The following APOL4 variants were observed in gnomAD, a reference collection of about 807,000 sequenced individuals.
The protein encoded by APOL4 is apolipoprotein L, 4.
A neutral mutation model predicts 12.1 loss-of-function variants in APOL4; 14 were observed. That is an observed-to-expected ratio of 1.16 (90% CI 0.76 to 1.81). The LOEUF (loss-of-function observed/expected upper bound fraction) is 1.81, where lower values mean the gene tolerates loss of function less well. Among genes scored for constraint, APOL4 ranks in the 40% most tolerant of loss-of-function variants. APOL4 has a pLI of 0.00. For missense variants in APOL4, 432 were observed against 423.1 expected, an observed-to-expected ratio of 1.02 and a Z score of -0.18; for synonymous variants, 171 against 160.6, an observed-to-expected ratio of 1.06 and a Z score of -0.49.
chr22:36,199,281 A>G (rs760719419), intron 2 of APOL4, 49 bp downstream of exon 2: 5 of 1,610,618 alleles, frequency 3.1e-6, no homozygotes, highest in Non-Finnish European at 4.2e-6. Context: ...GGAACCAGCC[A>G]GGGAAGAGGA....
At chr22:36,197,624 T>C in intron 2 of APOL4, 7 of 1,539,026 alleles carry the variant, frequency 4.5e-6, no homozygotes, top group Non-Finnish European at 6.1e-6. Flanking sequence ...ACTGGGGTCA[T>C]ATCAGATGGG....
In APOL4 at chr22:36,191,328, G is replaced by A. The variant is rs529854375; in HGVS notation, c.794C>T (p.Pro265Leu). The A allele has an allele frequency of 4.4e-5, 71 of 1,614,070 alleles. No homozygotes were observed. In the African/African-American group the frequency reaches 7.9e-4, roughly 18 times the overall value. ...TCTCAGTGTCTCAACAACATTTATA[G>A]GTACATATCGCCAAGCAATCAAAGG... is the stretch of plus-strand genomic sequence containing the variant. ...GRPLIAWRYV[P>L]INVVETLRTR... The change falls in exon 4 of 4, where the codon CCT (proline) becomes CTT (leucine). Residue 265 changes from proline to leucine, a missense_variant. Transcript: ENST00000683024.
At chr22:36,191,972 C>G (rs1470885611) in intron 3 of APOL4, 60 bp from the exon 4 acceptor site, 2 of 1,341,312 alleles carry the variant, frequency 1.5e-6, no homozygotes, top group Non-Finnish European at 2.0e-6. Context: ...AAAATGAGCT[C>G]AATAAGATCT....
Position 36,190,701 on chromosome 22 carries a change from G to C in APOL4, c.*374C>G, listed in dbSNP as rs2014218680. ...CTCTCTTATTCCCTGAACAATTGCT[G>C]TTATCCTGTTCTTTTTTCAAGGTGC... On this transcript the variant is annotated 3_prime_UTR_variant, in exon 4 of 4. Transcript: ENST00000683024. 1 of 210,092 alleles carries C rather than the reference G, an allele frequency of 4.8e-6. No individual in the cohort carries two copies. Among genetic ancestry groups the C allele is most frequent in the South Asian group, 9.0e-5 (1 of 11,116 alleles). 13.0% of individuals were successfully genotyped at this position (210,092 alleles called of 1,614,324 possible). A position where few individuals can be genotyped will look rare whatever the true frequency, so the allele number is the denominator to read the frequency against.
chr22:36,191,468 A>C lies in APOL4; in HGVS notation c.654T>G (p.Ile218Met). 6.2e-7 allele frequency: 1 copy of C among 1,614,064 alleles called. No individual in the cohort carries two copies. ...STDQLEALRD[I>M]LRDITPNVLS... The stretch of plus-strand genomic sequence containing the variant: ...GCACATTGGGTGTGATGTCACGCAG[A>C]ATGTCCCTTAATGCCTCCAATTGGT... The change falls in exon 4 of 4, where the codon ATT becomes ATG. Residue 218 changes from isoleucine to methionine, a missense_variant. By Grantham distance (10) the Ile-to-Met change is conservative. Coordinates refer to ENST00000683024, the MANE Select transcript of APOL4 (RefSeq NM_001386885.1).
chr22:36,194,796 C>T (rs1283147856), intron 3 of APOL4, among the ~76,000 whole-genome samples: 2 of 152,096 alleles, frequency 1.3e-5, no homozygotes, highest in African/African-American at 2.4e-5. Context: ...GAAAAGGGCC[C>T]CAGACAGCAT....
intron 2 of APOL4, among the ~76,000 whole-genome samples, chr22:36,196,838 A>G (rs1422390220): frequency 6.6e-6 from 1 of 152,222 alleles, no homozygotes; most frequent in South Asian, 2.1e-4. Flanking sequence ...TGAAGACTCC[A>G]TATATTTAAA....
chr22:36,199,708 G>C, intron 1 of APOL4: 1 of 1,472,312 alleles, frequency 6.8e-7, no homozygotes, highest in Non-Finnish European at 9.2e-7. Context: ...GGGAAGGAAC[G>C]TTCTAACAAT....
intron 2 of APOL4, chr22:36,197,736 A>G (rs747486992): frequency 3.4e-5 from 53 of 1,550,410 alleles, no homozygotes; most frequent in Non-Finnish European, 3.9e-5. Flanking sequence ...TCACAGAAAG[A>G]ACAAGAACTC....
At chr22:36,204,557 A>G, upstream of APOL4, 1 of 270,576 alleles carries the variant, frequency 3.7e-6, no homozygotes, top group Non-Finnish European at 7.0e-6. Context: ...ACAAAAGCTG[A>G]ATGATCCTTC....
upstream of APOL4, chr22:36,202,072 G>C (rs1384388142): frequency 6.2e-7 from 1 of 1,613,776 alleles, no homozygotes; most frequent in Non-Finnish European, 8.5e-7. Context: ...CAGGAAAAGA[G>C]GGGTTGAGAC....
At chr22:36,197,408 T>C in intron 2 of APOL4, 1 of 495,968 alleles carries the variant, frequency 2.0e-6, no homozygotes, top group Non-Finnish European at 3.3e-6. Context: ...TCTTTTTCCT[T>C]CTTCACCAAA....
chr22:36,194,411 A>G (rs1603477950), intron 3 of APOL4, among the ~76,000 whole-genome samples: 2 of 151,640 alleles, frequency 1.3e-5, no homozygotes, highest in African/African-American at 4.9e-5. Context: ...CCCTTCTCTC[A>G]CCCTCCTCCC....
At chr22:36,192,054 T>C in intron 3 of APOL4, 142 bp from the exon 4 acceptor site, 1 of 887,970 alleles carries the variant, frequency 1.1e-6, no homozygotes, top group Non-Finnish European at 1.6e-6. Context: ...AATAATTCTT[T>C]TCAAGGCCGG....
chr22:36,193,233 C>A (rs768175703), intron 3 of APOL4, among the ~76,000 whole-genome samples: 3 of 152,192 alleles, frequency 2.0e-5, no homozygotes, highest in Non-Finnish European at 4.4e-5. Context: ...TCTGCCGCCC[C>A]TTACCCTGGT....
Position 36,190,860 on chromosome 22 carries a change from A to T in APOL4, c.*215T>A, listed in dbSNP as rs2014222449. ...GATTAAAGTAAAGACAGGCATAAGAAATCACAAGGGTATTGATTGGGGAAG... is the reference window on the plus strand; with the variant it reads ...GATTAAAGTAAAGACAGGCATAAGATATCACAAGGGTATTGATTGGGGAAG... On this transcript the variant is annotated 3_prime_UTR_variant, in exon 4 of 4. Transcript: ENST00000683024. 1.8e-6 allele frequency: 1 copy of T among 558,574 alleles called. No individual in the cohort carries two copies. The highest frequency in any genetic ancestry group is 3.2e-6 in the Non-Finnish European group (1 of 315,814). 34.6% of individuals were successfully genotyped at this position (558,574 alleles called of 1,614,324 possible). A position where few individuals can be genotyped will look rare whatever the true frequency, so the allele number is the denominator to read the frequency against.
intron 2 of APOL4, among the ~76,000 whole-genome samples, chr22:36,198,364 A>C (rs2014473159): frequency 6.6e-6 from 1 of 152,212 alleles, no homozygotes; most frequent in Non-Finnish European, 1.5e-5. Flanking sequence ...GCACTTCCAT[A>C]TTCACCCGAT....
intron 3 of APOL4, among the ~76,000 whole-genome samples, chr22:36,192,528 G>A (rs1603477644): frequency 1.3e-5 from 2 of 152,294 alleles, no homozygotes; most frequent in South Asian, 4.1e-4. Flanking sequence ...ACCAGGGTGT[G>A]TGGAGAGGGG....
chr22:36,191,372 A>C lies in APOL4; in HGVS notation c.750T>G (p.Ser250=). 6.2e-7 allele frequency: 1 copy of C among 1,614,078 alleles called. No individual in the cohort carries two copies. The highest frequency in any genetic ancestry group is 2.2e-5 in the East Asian group (1 of 44,890). The change falls in exon 4 of 4, where the codon TCT becomes TCG. Residue 250 remains serine, a synonymous_variant. Coordinates refer to ENST00000683024, the MANE Select transcript of APOL4 (RefSeq NM_001386885.1). ...IANDVHTLRR[S]KATVGRPLIA... is the part of the protein sequence containing the mutation. ...TCAAAGGGCGTCCAACAGTGGCTTT[A>C]GATCTCCTGAGTGTATGGACATCAT...
Sources: gnomAD v4.1 joint callset for allele counts (sites outside exome capture counted in the v4.1 genomes callset) on GRCh38, gnomAD v4.1.1 for gene constraint, MANE v1.5 for transcripts, NCBI Gene and HGNC (gene_info 2026-07-23, HGNC 2026-07-21) for gene names.